Variants in RNF2 observed in about 807,000 individuals in gnomAD.
RNF2 encodes the protein ring finger protein 2.
In RNF2, 6 loss-of-function variants were observed where a neutral mutation model predicts 37.2. The ratio of observed to expected loss-of-function variants is 0.16; its 90% CI spans 0.09 to 0.32. The LOEUF is 0.32. Among genes scored for constraint, RNF2 ranks in the 10% least tolerant of loss-of-function variants. The pLI is 1.00. For synonymous variants in RNF2, 133 were observed against 132.7 expected (o/e 1.00, Z -0.02); for missense variants, 251 against 404.0 (o/e 0.62, Z 3.25).
At chr1:185,070,017 T>C (rs561289831) in intron 1 of RNF2, among the ~76,000 whole-genome samples, 7 of 152,374 alleles carry the variant, frequency 4.6e-5, no homozygotes, top group African/African-American at 1.7e-4. Context: ...AAATAACTTA[T>C]TCTTTTGACA....
chr1:185,099,685 T>C (rs1652020942), intron 5 of RNF2, 106 bp from the exon 6 acceptor site: 3 of 890,242 alleles, frequency 3.4e-6, no homozygotes, highest in African/African-American at 3.4e-5. Context: ...ATTGAGACAT[T>C]GCCATTTTAC....
intron 1 of RNF2, among the ~76,000 whole-genome samples, chr1:185,047,612 G>A (rs144782646): frequency 9.1e-4 from 138 of 152,240 alleles, no homozygotes; most frequent in Admixed American, 1.6e-3. Context: ...CTATACATTA[G>A]CAAAGAAGCA....
chr1:185,052,165 T>G (rs1055610389), intron 1 of RNF2, among the ~76,000 whole-genome samples: 1 of 152,096 alleles, frequency 6.6e-6, no homozygotes, highest in African/African-American at 2.4e-5. Context: ...CTTCCTCCCA[T>G]TCCTCTTCGG....
At chr1:185,088,490 T>C (rs1159268008) in intron 2 of RNF2, among the ~76,000 whole-genome samples, 1 of 149,632 alleles carries the variant, frequency 6.7e-6, no homozygotes, top group Non-Finnish European at 1.5e-5. Context: ...TGGGAGGCGG[T>C]GGTTGCAGTG....
rs933226509 is a variant in RNF2, at chr1:185,046,953, T to C, written c.-3+1304T>C. On this transcript the variant is annotated intron_variant, in intron 1 of 6. Transcript: ENST00000367510. ...TAGTGAAATTTGATCCTTGGATTTA[T>C]AAAGTATTTAAATAGCAGCAATATG... Among the ~76,000 whole-genome samples the C allele has an allele frequency of 2.6e-5, 4 of 152,244 alleles. No homozygotes were observed. In the East Asian group the frequency reaches 7.7e-4, roughly 29 times the overall value.
chr1:185,057,038 G>A (rs993459927), intron 1 of RNF2, among the ~76,000 whole-genome samples: 2 of 152,120 alleles, frequency 1.3e-5, no homozygotes, highest in Non-Finnish European at 2.9e-5. Context: ...GCTGGGTGCG[G>A]TGGCTCATGC....
intron 1 of RNF2, among the ~76,000 whole-genome samples, chr1:185,064,998 A>T (rs1046651734): frequency 1.3e-5 from 2 of 152,114 alleles, no homozygotes; most frequent in Non-Finnish European, 2.9e-5. Flanking sequence ...GGCTTTCTGC[A>T]TATAAGATCA....
At position 185,098,895 on chromosome 1, in the gene RNF2, G is replaced by A. The variant is rs1651992414; in HGVS notation, c.737+551G>A. Among the ~76,000 whole-genome samples the A allele has an allele frequency of 6.3e-5, 9 of 142,280 alleles. No individual in the cohort carries two copies. The Admixed American group carries it at 6.4e-4, about 10-fold the overall frequency. 93.3% of individuals were successfully genotyped at this position (142,280 alleles called of 152,430 possible). A position where few individuals can be genotyped will look rare whatever the true frequency, so the allele number is the denominator to read the frequency against. On this transcript the variant is annotated intron_variant, in intron 5 of 6. Transcript: ENST00000367510. Reference sequence around the variant, plus strand: ...GCCTCCCGAGTAGCTGGGACTACAGGCTCATGCCACCAAGCCCAGCTAATT... The same window carrying A: ...GCCTCCCGAGTAGCTGGGACTACAGACTCATGCCACCAAGCCCAGCTAATT...
intron 1 of RNF2, among the ~76,000 whole-genome samples, chr1:185,077,621 C>CTTTTTTTTTTTTTTTTT (rs1553241118): frequency 9.0e-6 from 1 of 111,582 alleles, no homozygotes; most frequent in African/African-American, 3.9e-5. Context: ...TAGGAATTAA[C>CTTTTTTTTTTTTTTTTT]TTTGTTTTTT....
chr1:185,079,687 T>C (rs1024320242), intron 1 of RNF2, among the ~76,000 whole-genome samples: 1 of 152,160 alleles, frequency 6.6e-6, no homozygotes, highest in Non-Finnish European at 1.5e-5. Context: ...CCCAGCACTT[T>C]GGGAGGCTGA....
At chr1:185,062,294 A>G (rs2102162232) in intron 1 of RNF2, among the ~76,000 whole-genome samples, 1 of 152,354 alleles carries the variant, frequency 6.6e-6, no homozygotes, top group South Asian at 2.1e-4. Flanking sequence ...TTGACAGTGT[A>G]GGAAGTTATA....
At chr1:185,083,447 C>G (rs1347625591) in intron 1 of RNF2, among the ~76,000 whole-genome samples, 1 of 151,910 alleles carries the variant, frequency 6.6e-6, no homozygotes, top group Non-Finnish European at 1.5e-5. Context: ...TGGGTCTGTT[C>G]CACAGTATAA....
intron 1 of RNF2, among the ~76,000 whole-genome samples, chr1:185,062,103 A>G (rs1263478130): frequency 6.6e-6 from 1 of 152,226 alleles, no homozygotes; most frequent in African/African-American, 2.4e-5. Flanking sequence ...CATGGAAGAA[A>G]ACTGCTAGGG....
chr1:185,057,478 A>G (rs1446701405), intron 1 of RNF2, among the ~76,000 whole-genome samples: 1 of 152,086 alleles, frequency 6.6e-6, no homozygotes, highest in Admixed American at 6.6e-5. Flanking sequence ...TGTTCATGAT[A>G]AGCACGTCCA....
chr1:185,082,734 G>T (rs941624811), intron 1 of RNF2, among the ~76,000 whole-genome samples: 1 of 152,122 alleles, frequency 6.6e-6, no homozygotes, highest in African/African-American at 2.4e-5. Flanking sequence ...TCGATGTTGC[G>T]AGTAGTCTCC....
chr1:185,065,810 C>A (rs923976233), intron 1 of RNF2, among the ~76,000 whole-genome samples: 1 of 152,238 alleles, frequency 6.6e-6, no homozygotes, highest in African/African-American at 2.4e-5. Flanking sequence ...ACAATGTCAT[C>A]TACAAAGATA....
intron 1 of RNF2, among the ~76,000 whole-genome samples, chr1:185,064,342 C>T (rs1650736431): frequency 6.6e-6 from 1 of 152,168 alleles, no homozygotes; most frequent in Non-Finnish European, 1.5e-5. Flanking sequence ...TAGAATCCTA[C>T]AGAATAGGTA....
At chr1:185,074,445 C>G (rs1442312119) in intron 1 of RNF2, among the ~76,000 whole-genome samples, 1 of 152,020 alleles carries the variant, frequency 6.6e-6, no homozygotes, top group African/African-American at 2.4e-5. Context: ...CTGAATCTAT[C>G]TAGGGGCCCA....
chr1:185,059,315 A>AT (rs1650532414), intron 1 of RNF2, among the ~76,000 whole-genome samples: 1 of 151,938 alleles, frequency 6.6e-6, no homozygotes, highest in Non-Finnish European at 1.5e-5. Flanking sequence ...CAGGAAACAC[A>AT]TTCTTTGCTT....
Sources: allele counts gnomAD v4.1 joint callset (sites outside exome capture counted in the v4.1 genomes callset), GRCh38; gene constraint gnomAD v4.1.1; transcripts MANE v1.5; gene names NCBI Gene and HGNC (gene_info 2026-07-23, HGNC 2026-07-21).